SORL1: variants seen among roughly 807,000 people sequenced by gnomAD.
SORL1 encodes sortilin related receptor 1, also known as sortilin-related receptor.
In SORL1, 127 loss-of-function variants were observed where a neutral mutation model predicts 273.7. That is an observed-to-expected ratio of 0.46 (90% CI 0.40 to 0.54). The LOEUF is 0.54. Ranked by LOEUF, SORL1 falls within the 20% of genes least tolerant of loss-of-function variation. The probability of loss-of-function intolerance (pLI) is 0.00; values close to 1 mark genes in which losing one functional copy is unlikely to be tolerated. For missense variants in SORL1, 2,494 were observed against 2,846.1 expected, an observed-to-expected ratio of 0.88 and a Z score of 2.81; for synonymous variants, 1,031 against 1,067.4, an observed-to-expected ratio of 0.97 and a Z score of 0.66.
intron 23 of SORL1, among the ~76,000 whole-genome samples, chr11:121,572,300 C>G (rs1433462973): frequency 1.3e-5 from 2 of 152,202 alleles, no homozygotes; most frequent in Non-Finnish European, 2.9e-5. Context: ...CCACCCAGCC[C>G]CTGAGCTCTG....
intron 12 of SORL1, among the ~76,000 whole-genome samples, chr11:121,536,618 A>G (rs1035809870): frequency 1.5e-4 from 22 of 149,172 alleles, no homozygotes; most frequent in African/African-American, 4.9e-4. Flanking sequence ...CATGTTGCCC[A>G]GGTTGTTCTC....
Position 121,554,149 on chromosome 11 carries a change from G to A in SORL1, c.2439+40G>A, listed in dbSNP as rs367943621. The A allele has an allele frequency of 1.2e-5, 19 of 1,585,578 alleles. No individual in the cohort carries two copies. The highest frequency in any genetic ancestry group is 6.7e-5 in the African/African-American group (5 of 74,470). On this transcript the variant is annotated intron_variant, in intron 17 of 47. Transcript: ENST00000260197. The surrounding 1 kb of genome is among the most constrained non-coding windows in gnomAD (Gnocchi z 4.6). ...GGTCTGACTGTGGGAGCTGTGCATCGTGACTGCCCTGTCCTGATAAGCTGC... is the reference window on the plus strand; with the variant it reads ...GGTCTGACTGTGGGAGCTGTGCATCATGACTGCCCTGTCCTGATAAGCTGC...
At chr11:121,624,266 G>A (rs1863763348) in intron 45 of SORL1, among the ~76,000 whole-genome samples, 1 of 152,188 alleles carries the variant, frequency 6.6e-6, no homozygotes, top group Non-Finnish European at 1.5e-5. Context: ...TTATGCAAGG[G>A]GGCCCAATAT....
intron 24 of SORL1, among the ~76,000 whole-genome samples, chr11:121,576,442 G>T (rs1244753635): frequency 6.6e-6 from 1 of 152,182 alleles, no homozygotes; most frequent in Non-Finnish European, 1.5e-5. Context: ...CTGCCCCCAT[G>T]ACTTAATTAC....
intron 16 of SORL1, among the ~76,000 whole-genome samples, chr11:121,551,948 T>C (rs1862513363): frequency 6.6e-6 from 1 of 152,194 alleles, no homozygotes; most frequent in Admixed American, 6.5e-5. Context: ...GAGTGATTGC[T>C]CTTGAGGGGC....
At chr11:121,613,113 T>C (rs1811564026) in intron 40 of SORL1, among the ~76,000 whole-genome samples, 1 of 152,204 alleles carries the variant, frequency 6.6e-6, no homozygotes, top group South Asian at 2.1e-4. Flanking sequence ...CAAGACTAAT[T>C]CTCTGCAGAT....
At position 121,521,982 on chromosome 11, in the gene SORL1, A is replaced by G. The variant is rs1004752060; in HGVS notation, c.1405-604A>G. ...CTTGCAGAGCTATGAAAATCTGGAC[A>G]TGAGTGATGGAGGCCAGACTGAATC... On this transcript the variant is annotated intron_variant, in intron 9 of 47. Transcript: ENST00000260197. Among the ~76,000 whole-genome samples the G allele has an allele frequency of 3.9e-5, 6 of 152,242 alleles. No individual in the cohort carries two copies. The South Asian group carries it at 1.2e-3, about 32-fold the overall frequency.
intron 5 of SORL1, among the ~76,000 whole-genome samples, chr11:121,491,956 G>A (rs909813370): frequency 6.6e-6 from 1 of 152,142 alleles, no homozygotes; most frequent in Non-Finnish European, 1.5e-5. Flanking sequence ...CTAAAATGCT[G>A]TTACCAAAGA....
chr11:121,486,969 C>G (rs980701471), intron 3 of SORL1, among the ~76,000 whole-genome samples: 2 of 152,126 alleles, frequency 1.3e-5, no homozygotes, highest in Admixed American at 1.3e-4. Context: ...CTCAAATAAA[C>G]AAGACTCTCA....
rs1362426668 is a variant in SORL1 at position 121,573,341 on chromosome 11, G to A, written c.3338-900G>A. ...AATCTAGTCTTTCTGGCTGGGCGTG[G>A]TGGCTCATGCCTGTAATCCTAGCAC... On this transcript the variant is annotated intron_variant, in intron 23 of 47. Transcript: ENST00000260197. 4.6e-5 allele frequency among the ~76,000 whole-genome samples: 7 copies of A among 152,310 alleles called. No homozygotes were observed. In the East Asian group the frequency reaches 9.6e-4, roughly 21 times the overall value.
At chr11:121,536,700 G>A (rs1182118667) in intron 12 of SORL1, among the ~76,000 whole-genome samples, 2 of 151,900 alleles carry the variant, frequency 1.3e-5, no homozygotes, top group Non-Finnish European at 2.9e-5. Context: ...CAGCCACCAA[G>A]CTTGGTCTTT....
chr11:121,520,490 T>C (rs1862023148), intron 8 of SORL1, among the ~76,000 whole-genome samples, 167 bp from the exon 9 acceptor site: 1 of 152,166 alleles, frequency 6.6e-6, no homozygotes, highest in Non-Finnish European at 1.5e-5. Flanking sequence ...GGTTTCCTTT[T>C]GGAATGATGA....
chr11:121,591,512 T>C (rs1183258188), intron 31 of SORL1, among the ~76,000 whole-genome samples: 2 of 152,214 alleles, frequency 1.3e-5, no homozygotes, highest in African/African-American at 4.8e-5. Context: ...GAACTTTTTG[T>C]GTGTGTATTA....
At chr11:121,568,163 A>G (rs1246215717) in intron 22 of SORL1, among the ~76,000 whole-genome samples, 1 of 152,218 alleles carries the variant, frequency 6.6e-6, no homozygotes, top group Non-Finnish European at 1.5e-5. Flanking sequence ...CTGGGATCAC[A>G]GGCATGAGCC....
At position 121,614,943 on chromosome 11, in the gene SORL1, T is replaced by G. The variant is rs966961331; in HGVS notation, c.5492T>G (p.Leu1831Arg). Residue 1831 changes from leucine to arginine, a missense_variant, in exon 41 of 48, where the codon CTG becomes CGG. Leu to Arg is a moderately radical substitution (Grantham distance 102, BLOSUM62 -2). Coordinates refer to ENST00000260197, the MANE Select transcript of SORL1 (RefSeq NM_003105.6). ...WAKTDLGDSP[L>R]AFEHVMTRGV... ...AAGACTGACTTGGGGGATAGCCCTC[T>G]GGCATTTGAGCATGTTATGACCAGA... is the stretch of plus-strand genomic sequence containing the variant. 1.9e-6 allele frequency: 3 copies of G among 1,613,572 alleles called. No homozygotes were observed. In the African/African-American group the frequency reaches 4.0e-5, roughly 22 times the overall value.
chr11:121,559,616 G>C lies in SORL1; in HGVS notation c.3008G>C (p.Gly1003Ala), dbSNP rs1467286896. Residue 1003 changes from glycine to alanine, a missense_variant, in exon 21 of 48, where the codon GGG (glycine) becomes GCG (alanine). Coordinates refer to ENST00000260197, the MANE Select transcript of SORL1 (RefSeq NM_003105.6). ...QMEILANQLT[G>A]LMDMKIFYKG... The stretch of plus-strand genomic sequence containing the variant: ...GAGATTCTGGCAAACCAGCTCACGG[G>C]GCTCATGGACATGAAGATTTTCTAC... 5 of 1,614,002 alleles carry C rather than the reference G, an allele frequency of 3.1e-6. No individual in the cohort carries two copies. The Admixed American group carries it at 8.3e-5, about 27-fold the overall frequency.
intron 42 of SORL1, 64 bp from the exon 43 acceptor site, chr11:121,619,689 C>T: frequency 4.9e-6 from 6 of 1,221,130 alleles, no homozygotes; most frequent in Non-Finnish European, 6.9e-6. Flanking sequence ...TGAAAAAATA[C>T]TTTAATAAAG....
rs58221218 is a variant in SORL1 at position 121,482,305 on chromosome 11, T to C, written c.528+4062T>C. On this transcript the variant is annotated intron_variant, in intron 3 of 47. Transcript: ENST00000260197. ...TGCACTGTGGAATGGGGGTGACATG[T>C]TTGCATCCCAAGTGCTGTGTACCTC... Among the ~76,000 whole-genome samples, 956 of 152,242 alleles carry C rather than the reference T, an allele frequency of 6.3e-3. 9 individuals carry two copies. Among genetic ancestry groups the C allele is most frequent in the African/African-American group, 0.022 (911 of 41,532 alleles).
At chr11:121,525,395 C>T (rs1177745495) in intron 11 of SORL1, among the ~76,000 whole-genome samples, 1 of 152,120 alleles carries the variant, frequency 6.6e-6, no homozygotes, top group African/African-American at 2.4e-5. Context: ...TTGCTGATTA[C>T]AAATATAGCT....
Sources: allele counts gnomAD v4.1 joint callset (sites outside exome capture counted in the v4.1 genomes callset), GRCh38; gene constraint gnomAD v4.1.1; non-coding constraint Gnocchi (gnomAD v3.1); transcripts MANE v1.5; gene names NCBI Gene and HGNC (gene_info 2026-07-23, HGNC 2026-07-21).